KDM6A: variants seen among roughly 807,000 people sequenced by gnomAD.
The protein encoded by KDM6A is lysine-specific demethylase 6A.
In KDM6A, 11 loss-of-function variants were observed where a neutral mutation model predicts 117.6. The ratio of observed to expected loss-of-function variants is 0.09; its 90% confidence interval spans 0.06 to 0.15. The LOEUF is 0.15. Among genes scored for constraint, KDM6A ranks in the 10% least tolerant of loss-of-function variants. The pLI, the probability that KDM6A is intolerant of heterozygous loss-of-function variation, is 1.00. For synonymous variants in KDM6A, 384 were observed against 396.1 expected (o/e 0.97, Z 0.36); for missense variants, 799 against 1,077.3 (o/e 0.74, Z 3.62).
At chrX:44,948,521 A>G (rs1324113682) in intron 2 of KDM6A, among the ~76,000 whole-genome samples, 2 of 111,839 alleles carry the variant, frequency 1.8e-5, no homozygotes, top group Admixed American at 9.5e-5. Flanking sequence ...AGAAGAAAAT[A>G]TTGGTAAGTG....
rs190769529 is a variant in KDM6A, at chrX:45,081,183, C to T, written c.3301-1393C>T. On this transcript the variant is annotated intron_variant, in intron 21 of 29. Coordinates refer to ENST00000611820, the MANE Select transcript of KDM6A (RefSeq NM_001291415.2). ...CCAACCTCAGGTGATCTGCCCATCTCGGCTTCCCAAAGTGCTGAGATTATA... is the reference window on the plus strand; with the variant it reads ...CCAACCTCAGGTGATCTGCCCATCTTGGCTTCCCAAAGTGCTGAGATTATA... Among the ~76,000 whole-genome samples, 13 of 111,930 alleles carry T rather than the reference C, an allele frequency of 1.2e-4. No individual in the cohort carries two copies. In the East Asian group the frequency reaches 3.4e-3, roughly 29 times the overall value.
At chrX:45,021,807 C>G (rs1164079532) in intron 6 of KDM6A, among the ~76,000 whole-genome samples, 2 of 111,424 alleles carry the variant, frequency 1.8e-5, no homozygotes, top group Non-Finnish European at 3.8e-5. Context: ...GGAATAAGTT[C>G]CAGGGTAAGT....
Position 45,070,203 on chromosome X carries a change from G to A in KDM6A, c.2704G>A (p.Gly902Arg), listed in dbSNP as rs2044754793. Reference protein sequence around the residue: ...SVTSLNSPHSGLHTINGEGME... With the variant: ...SVTSLNSPHSRLHTINGEGME... ...TACCAGCCTTAACAGCCCTCACAGTGGGCTACACACAATTAATGGAGAAGG... is the reference window on the plus strand; with the variant it reads ...TACCAGCCTTAACAGCCCTCACAGTAGGCTACACACAATTAATGGAGAAGG... The change falls in exon 18 of 30, where the codon GGG (glycine) becomes AGG (arginine). Residue 902 changes from glycine to arginine, a missense_variant. This residue lies in a region of KDM6A where 291 missense variants were observed against 437.9 expected (regional missense o/e 0.66). Transcript: ENST00000611820. 8.3e-7 allele frequency: 1 copy of A among 1,211,131 alleles called. No homozygotes were observed.
chrX:45,074,487 C>T (rs1480840057), intron 18 of KDM6A, among the ~76,000 whole-genome samples: 1 of 111,950 alleles, frequency 8.9e-6, no homozygotes, highest in Non-Finnish European at 1.9e-5. Context: ...TAGATACCAT[C>T]AGTTCCTTCA....
chrX:45,035,074 A>G (rs889138929), intron 7 of KDM6A, 89 bp downstream of exon 7: 13 of 805,489 alleles, frequency 1.6e-5, no homozygotes, highest in Middle Eastern at 3.0e-4. Context: ...ATTCTGTGCA[A>G]TTTTTTCTTT....
intron 2 of KDM6A, among the ~76,000 whole-genome samples, chrX:44,906,639 TAGAG>T (rs968555955): frequency 3.6e-5 from 4 of 110,507 alleles, no homozygotes; most frequent in Non-Finnish European, 5.7e-5. Context: ...TATATATATG[TAGAG>T]AGAGAGACTG....
At chrX:44,954,117 A>T (rs1000442262) in intron 2 of KDM6A, among the ~76,000 whole-genome samples, 3 of 103,188 alleles carry the variant, frequency 2.9e-5, no homozygotes, top group South Asian at 4.2e-4. Context: ...TTTCCTCATT[A>T]AAAAAAAAAA....
intron 4 of KDM6A, among the ~76,000 whole-genome samples, chrX:45,008,155 A>G (rs1364851243): frequency 9.0e-6 from 1 of 110,878 alleles, no homozygotes; most frequent in Non-Finnish European, 1.9e-5. Flanking sequence ...GAGGGAGAAG[A>G]ATGAAGTTGG....
chrX:45,011,318 C>G (rs757152546), intron 5 of KDM6A, among the ~76,000 whole-genome samples: 2 of 110,945 alleles, frequency 1.8e-5, no homozygotes, highest in East Asian at 5.6e-4. Flanking sequence ...ACTGGTGTTC[C>G]CCAAGTTATT....
chrX:44,934,272 G>T (rs1167628271), intron 2 of KDM6A, among the ~76,000 whole-genome samples: 1 of 111,906 alleles, frequency 8.9e-6, no homozygotes, highest in Non-Finnish European at 1.9e-5. Flanking sequence ...ATTGACTAGT[G>T]TCGAGCTCTG....
intron 2 of KDM6A, among the ~76,000 whole-genome samples, chrX:44,939,272 G>A (rs2037155197): frequency 8.9e-6 from 1 of 112,474 alleles, no homozygotes; most frequent in African/African-American, 3.2e-5. Context: ...CATGGGATGA[G>A]GTTAAAATAT....
At chrX:44,917,387 C>T (rs1039596708) in intron 2 of KDM6A, among the ~76,000 whole-genome samples, 1 of 111,594 alleles carries the variant, frequency 9.0e-6, no homozygotes, top group East Asian at 2.8e-4. Flanking sequence ...TGTCCCCACC[C>T]CTCAACACAC....
chrX:45,020,414 A>T (rs2042126463), intron 5 of KDM6A, among the ~76,000 whole-genome samples, 196 bp from the exon 6 acceptor site: 1 of 111,673 alleles, frequency 9.0e-6, no homozygotes, highest in Non-Finnish European at 1.9e-5. Context: ...AAATTAGATT[A>T]TATACGTTTA....
rs1045193130 is a variant in KDM6A, at chrX:44,873,436, G to A, written c.-116G>A. ...TTTCGTCGCCGCCGCCCGCGGCGGAGGAGGAGGCGGCGATAAAGTTGGTGT... is the reference window on the plus strand; with the variant it reads ...TTTCGTCGCCGCCGCCCGCGGCGGAAGAGGAGGCGGCGATAAAGTTGGTGT... On this transcript the variant is annotated 5_prime_UTR_variant, in exon 1 of 30. Transcript: ENST00000611820. 9.6e-7 allele frequency: 1 copy of A among 1,042,271 alleles called. No homozygotes were observed. Among genetic ancestry groups the A allele is most frequent in the African/African-American group, 2.0e-5 (1 of 51,069 alleles). The allele number at this position is 1,042,271 out of a possible 1,213,427, so 85.9% of individuals were successfully genotyped here. A position where few individuals can be genotyped will look rare whatever the true frequency, so the allele number is the denominator to read the frequency against.
At chrX:44,982,453 A>G (rs1319707600) in intron 4 of KDM6A, among the ~76,000 whole-genome samples, 4 of 111,860 alleles carry the variant, frequency 3.6e-5, no homozygotes, top group African/African-American at 1.3e-4. Flanking sequence ...GAATGTAAAT[A>G]TCAGCTTTAT....
intron 8 of KDM6A, among the ~76,000 whole-genome samples, chrX:45,042,380 A>C (rs1490026861): frequency 9.2e-6 from 1 of 108,927 alleles, no homozygotes; most frequent in African/African-American, 3.4e-5. Flanking sequence ...AACAGTATAT[A>C]ATTATTAGGT....
intron 4 of KDM6A, among the ~76,000 whole-genome samples, chrX:44,980,558 TG>T (rs1342706830): frequency 9.3e-6 from 1 of 107,216 alleles, no homozygotes; most frequent in African/African-American, 3.4e-5. Context: ...GTTTTACGTT[TG>T]TTTTTTTTTA....
rs748504938 is a variant in KDM6A at position 45,035,833 on chromosome X, G to A, written c.619+848G>A. On this transcript the variant is annotated intron_variant, in intron 7 of 29. Coordinates refer to ENST00000611820, the MANE Select transcript of KDM6A (RefSeq NM_001291415.2). ...TCCTGCCTCAGCCTCCCAAGTAGCT[G>A]GGACTACAGGTGCCTGCCACCATGC... Among the ~76,000 whole-genome samples the A allele has an allele frequency of 3.4e-3, 367 of 109,345 alleles. 1 individual carries two copies. Among genetic ancestry groups the A allele is most frequent in the African/African-American group, 0.011 (345 of 30,000 alleles). 95.0% of individuals were successfully genotyped at this position (109,345 alleles called of 115,157 possible).
intron 2 of KDM6A, among the ~76,000 whole-genome samples, chrX:44,910,066 T>A (rs2034989786): frequency 1.8e-5 from 2 of 112,496 alleles, no homozygotes; most frequent in African/African-American, 6.5e-5. Flanking sequence ...GACGAGGAAA[T>A]CTTCAGGAGG....
Sources: gnomAD v4.1 joint callset for allele counts (sites outside exome capture counted in the v4.1 genomes callset) on GRCh38, gnomAD v4.1.1 for gene constraint, gnomAD v4.1.1 regional missense constraint, MANE v1.5 for transcripts, NCBI Gene and HGNC (gene_info 2026-07-23, HGNC 2026-07-21) for gene names.